Variants in NMNAT2 observed in about 807,000 individuals in gnomAD.
NMNAT2 encodes the protein nicotinamide/nicotinic acid mononucleotide adenylyltransferase 2.
NMNAT2 carries 11 observed loss-of-function variants against 41.6 expected under a neutral mutation model. That is an observed-to-expected ratio of 0.26 (90% CI 0.17 to 0.44). NMNAT2 has a LOEUF of 0.44. Ranked by LOEUF, NMNAT2 falls within the 20% of genes least tolerant of loss-of-function variation. The probability of loss-of-function intolerance (pLI) is 1.00; values close to 1 mark genes in which losing one functional copy is unlikely to be tolerated. For missense variants in NMNAT2, 288 were observed against 407.7 expected (o/e 0.71, Z 2.53); for synonymous variants, 148 against 151.2 (o/e 0.98, Z 0.16).
chr1:183,254,989 C>T, intron 10 of NMNAT2, among the ~76,000 whole-genome samples: 1 of 152,178 alleles, frequency 6.6e-6, no homozygotes, highest in East Asian at 1.9e-4. Context: ...ACATAATTGC[C>T]AAGACCAATG....
rs1661405157 is a variant in NMNAT2, at chr1:183,286,653, T to A, written c.448+9A>T. The A allele has an allele frequency of 6.2e-7, 1 of 1,602,792 alleles. No individual in the cohort carries two copies. The highest frequency in any genetic ancestry group is 1.7e-5 in the Admixed American group (1 of 58,592). On this transcript the variant is annotated intron_variant, in intron 5 of 10. Coordinates refer to ENST00000287713, the MANE Select transcript of NMNAT2 (RefSeq NM_015039.4). The stretch of plus-strand genomic sequence containing the variant: ...GAGGTCTGAGAATCACACATCAGTG[T>A]TCCCCTACCTGCAGTGGGCTTGGTG...
At chr1:183,407,946 A>G (rs752938616) in intron 1 of NMNAT2, among the ~76,000 whole-genome samples, 42 of 152,372 alleles carry the variant, frequency 2.8e-4, no homozygotes, top group Middle Eastern at 3.4e-3. Flanking sequence ...ATCAATGTCC[A>G]CTGTAAACCA....
At chr1:183,293,914 T>A in intron 1 of NMNAT2, 121 bp from the exon 2 acceptor site, 3 of 703,780 alleles carry the variant, frequency 4.3e-6, no homozygotes, top group Non-Finnish European at 7.2e-6. Context: ...TCTTGCCATT[T>A]AAATAGAAAA....
At chr1:183,265,287 G>A (rs1400596201) in intron 8 of NMNAT2, among the ~76,000 whole-genome samples, 11 of 29,256 alleles carry the variant, frequency 3.8e-4, no homozygotes, top group African/African-American at 1.8e-3. Flanking sequence ...TTTTTTTTTT[G>A]AGACAGAGTC....
intron 1 of NMNAT2, among the ~76,000 whole-genome samples, chr1:183,328,411 C>T (rs1662513520): frequency 6.6e-6 from 1 of 152,242 alleles, no homozygotes; most frequent in Non-Finnish European, 1.5e-5. Context: ...TAGGAGAATG[C>T]TCTTCTAGAA....
intron 1 of NMNAT2, among the ~76,000 whole-genome samples, chr1:183,403,561 G>A (rs920639186): frequency 5.3e-5 from 8 of 151,474 alleles, no homozygotes; most frequent in Admixed American, 2.0e-4. Flanking sequence ...AGCTTAGTAC[G>A]ACCACATATG....
intron 1 of NMNAT2, among the ~76,000 whole-genome samples, chr1:183,384,199 C>CTTTTTTTTTTTTTTTTTTTTT (rs1663861575): frequency 6.6e-6 from 1 of 151,534 alleles, no homozygotes; most frequent in African/African-American, 2.4e-5. Flanking sequence ...GCGCTACACA[C>CTTTTTTTTTTTTTTTTTTTTT]TTTTATGTTT....
chr1:183,278,594 G>A lies in NMNAT2; in HGVS notation c.610C>T (p.Leu204=). 1 of 1,613,958 alleles carries A rather than the reference G, an allele frequency of 6.2e-7. No individual in the cohort carries two copies. Among genetic ancestry groups the A allele is most frequent in the African/African-American group, 1.3e-5 (1 of 75,034 alleles). The change falls in exon 8 of 11, where the codon CTG becomes TTG. Residue 204 remains leucine, a synonymous_variant. Transcript: ENST00000287713. ...RILLLCGSDL[L]ESFCIPGLWN... is the part of the protein sequence containing the mutation. The stretch of plus-strand genomic sequence containing the variant: ...AGCCCTGGGATGCAGAAGGACTCCA[G>A]CAGGTCACTACCACACAGCAGCAGG...
chr1:183,404,099 ATTTTT>A (rs10655990), intron 1 of NMNAT2, among the ~76,000 whole-genome samples: 1 of 138,496 alleles, frequency 7.2e-6, no homozygotes, highest in Non-Finnish European at 1.5e-5. Context: ...CAGAAATGTA[ATTTTT>A]TTTTTTTTTT....
chr1:183,313,721 A>T (rs2102325810), intron 1 of NMNAT2, among the ~76,000 whole-genome samples: 1 of 152,318 alleles, frequency 6.6e-6, no homozygotes, highest in African/African-American at 2.4e-5. Flanking sequence ...CTTGGCCTCA[A>T]GTGATCTGCC....
At chr1:183,274,312 G>GTTAT (rs1444503012) in intron 8 of NMNAT2, among the ~76,000 whole-genome samples, 10 of 151,658 alleles carry the variant, frequency 6.6e-5, no homozygotes, top group South Asian at 4.2e-4. Flanking sequence ...TTATTTATTT[G>GTTAT]TTATTTATTT....
intron 1 of NMNAT2, among the ~76,000 whole-genome samples, chr1:183,297,296 G>A (rs757260053): frequency 3.3e-5 from 5 of 151,946 alleles, no homozygotes; most frequent in East Asian, 3.9e-4. Context: ...AGTGCATAGC[G>A]CTAAGTGGTT....
At chr1:183,263,809 AAAACAAAAAC>A (rs1395616588) in intron 8 of NMNAT2, among the ~76,000 whole-genome samples, 1 of 9,506 alleles carries the variant, frequency 1.1e-4, no homozygotes, top group Non-Finnish European at 5.9e-3. Flanking sequence ...CTCTGTCTCA[AAAACAAAAAC>A]AAACAAACAA....
At chr1:183,297,228 T>C (rs1661725610) in intron 1 of NMNAT2, among the ~76,000 whole-genome samples, 1 of 151,804 alleles carries the variant, frequency 6.6e-6, no homozygotes, top group Non-Finnish European at 1.5e-5. Flanking sequence ...AAACTGTTTC[T>C]GTAAAATGCC....
At chr1:183,323,555 A>T (rs1191019942) in intron 1 of NMNAT2, among the ~76,000 whole-genome samples, 2 of 152,198 alleles carry the variant, frequency 1.3e-5, no homozygotes, top group African/African-American at 4.8e-5. Flanking sequence ...TTACCATTGC[A>T]TGGGATCAAA....
chr1:183,249,974 A>G lies in NMNAT2; in HGVS notation c.*2667T>C, dbSNP rs200629662. 3 of 152,110 alleles carry G rather than the reference A, an allele frequency of 2.0e-5. No homozygotes were observed. The highest frequency in any genetic ancestry group is 4.4e-5 in the Non-Finnish European group (3 of 68,056). 9.4% of individuals were successfully genotyped at this position (152,110 alleles called of 1,614,324 possible). ...GACTGCATGCTGAGAGTGCAGAACC[A>G]GCCTCATTCCTTCTCATGGGCTGTA... On this transcript the variant is annotated 3_prime_UTR_variant, in exon 11 of 11. Coordinates refer to ENST00000287713, the MANE Select transcript of NMNAT2 (RefSeq NM_015039.4).
At chr1:183,405,899 A>G (rs1648942763) in intron 1 of NMNAT2, among the ~76,000 whole-genome samples, 1 of 152,254 alleles carries the variant, frequency 6.6e-6, no homozygotes, top group African/African-American at 2.4e-5. Context: ...ATCTCACACA[A>G]CTAAGTATGT....
At chr1:183,382,476 A>G (rs867587249) in intron 1 of NMNAT2, among the ~76,000 whole-genome samples, 3 of 152,342 alleles carry the variant, frequency 2.0e-5, no homozygotes, top group Middle Eastern at 3.4e-3. Flanking sequence ...TCATTTCAGC[A>G]TTAACTCAAA....
chr1:183,326,946 C>T (rs985284272), intron 1 of NMNAT2, among the ~76,000 whole-genome samples: 2 of 152,152 alleles, frequency 1.3e-5, no homozygotes, highest in Admixed American at 1.3e-4. Flanking sequence ...TAGGATTAAT[C>T]TCCAGTCACA....
Sources: gnomAD v4.1 joint callset for allele counts (sites outside exome capture counted in the v4.1 genomes callset) on GRCh38, gnomAD v4.1.1 for gene constraint, MANE v1.5 for transcripts, NCBI Gene and HGNC (gene_info 2026-07-23, HGNC 2026-07-21) for gene names.